Variants in LIPC observed in about 807,000 individuals in gnomAD.
The protein encoded by LIPC is hepatic triacylglycerol lipase.
A neutral mutation model predicts 50.7 loss-of-function variants in LIPC; 44 were observed. That is an observed-to-expected ratio of 0.87 (90% CI 0.68 to 1.11). The LOEUF is 1.11. Ranked by LOEUF, LIPC falls within the 50% of genes most tolerant of loss-of-function variation. The pLI, the probability that LIPC is intolerant of heterozygous loss-of-function variation, is 0.00. For synonymous variants in LIPC, 271 were observed against 256.4 expected, an observed-to-expected ratio of 1.06 and a Z score of -0.54; for missense variants, 697 against 648.2, an observed-to-expected ratio of 1.08 and a Z score of -0.82.
chr15:58,465,336 T>C (rs553644796), intron 1 of LIPC, among the ~76,000 whole-genome samples: 151 of 152,346 alleles, frequency 9.9e-4, no homozygotes, highest in Non-Finnish European at 1.8e-3. Context: ...AAGCCAACAG[T>C]TTTTACATCT....
At chr15:58,440,030 C>T (rs934657821) in intron 1 of LIPC, among the ~76,000 whole-genome samples, 4 of 152,172 alleles carry the variant, frequency 2.6e-5, no homozygotes, top group Admixed American at 1.3e-4. Flanking sequence ...TCCACTGCTC[C>T]TGGATACTGA....
chr15:58,520,762 G>A (rs112867536), intron 1 of LIPC, among the ~76,000 whole-genome samples: 4,536 of 152,184 alleles, frequency 0.03, 114 homozygotes, highest in Middle Eastern at 0.061. Flanking sequence ...GATTAATGCC[G>A]CTTAATACGA....
At chr15:58,454,734 C>T (rs1269143485) in intron 1 of LIPC, 2 of 152,220 alleles carry the variant, frequency 1.3e-5, no homozygotes, top group Non-Finnish European at 2.9e-5. Context: ...GCCCTTACCA[C>T]GTGCAGCGCT....
intron 1 of LIPC, among the ~76,000 whole-genome samples, chr15:58,456,550 T>G (rs1253221773): frequency 6.6e-6 from 1 of 152,194 alleles, no homozygotes; most frequent in Non-Finnish European, 1.5e-5. Context: ...AGGGAGGTGC[T>G]GGGGGGTGAA....
chr15:58,433,819 G>T (rs755084945), intron 1 of LIPC, among the ~76,000 whole-genome samples: 2 of 152,186 alleles, frequency 1.3e-5, no homozygotes, highest in Non-Finnish European at 2.9e-5. Context: ...TAGCAAGAGG[G>T]TTCCTCAGAA....
At chr15:58,519,798 C>T (rs1298287489) in intron 1 of LIPC, among the ~76,000 whole-genome samples, 8 of 152,184 alleles carry the variant, frequency 5.3e-5, no homozygotes, top group Non-Finnish European at 1.2e-4. Flanking sequence ...GCATCCGTTT[C>T]TTTACATTTT....
chr15:58,470,225 C>T (rs184311230), intron 1 of LIPC, among the ~76,000 whole-genome samples: 4 of 152,260 alleles, frequency 2.6e-5, no homozygotes, highest in Non-Finnish European at 4.4e-5. Context: ...AGTCACCGCA[C>T]CCAGCTGGAA....
chr15:58,534,619 T>C (rs1893056161), intron 1 of LIPC, among the ~76,000 whole-genome samples: 1 of 152,182 alleles, frequency 6.6e-6, no homozygotes, highest in Non-Finnish European at 1.5e-5. Context: ...TAACCTCCTT[T>C]TTCAATAACA....
chr15:58,483,837 T>G (rs1383586004), intron 1 of LIPC, among the ~76,000 whole-genome samples: 2 of 152,210 alleles, frequency 1.3e-5, no homozygotes, highest in African/African-American at 4.8e-5. Flanking sequence ...TTCTAATTTA[T>G]TCTCTGGGAG....
At chr15:58,566,369 T>G (rs374393410) in intron 8 of LIPC, 3 of 985,304 alleles carry the variant, frequency 3.0e-6, no homozygotes, top group East Asian at 2.3e-4. Flanking sequence ...ACATTTTAAC[T>G]TCACTGCTCA....
intron 1 of LIPC, among the ~76,000 whole-genome samples, chr15:58,477,071 T>C (rs1486366573): frequency 6.6e-6 from 1 of 152,140 alleles, no homozygotes; most frequent in Non-Finnish European, 1.5e-5. Flanking sequence ...CCCTACAAAC[T>C]CCTATAGGCG....
intron 1 of LIPC, among the ~76,000 whole-genome samples, chr15:58,442,987 A>G (rs1893557506): frequency 6.6e-6 from 1 of 152,114 alleles, no homozygotes; most frequent in African/African-American, 2.4e-5. Flanking sequence ...ATCTCAGCTC[A>G]CTGCAATCCC....
rs562341085 is a variant in LIPC, at chr15:58,561,522, G to A, written c.1169+541G>A. On this transcript the variant is annotated intron_variant, in intron 7 of 8. Coordinates refer to ENST00000299022, the MANE Select transcript of LIPC (RefSeq NM_000236.3). Reference sequence around the variant, plus strand: ...GCTTCAGAGACAATTGATTGTAAATGTTTCTTATCAGACTTAAAAAGGTGC... The same window carrying A: ...GCTTCAGAGACAATTGATTGTAAATATTTCTTATCAGACTTAAAAAGGTGC... 2.1e-3 allele frequency among the ~76,000 whole-genome samples: 313 copies of A among 152,288 alleles called. 1 individual carries two copies. Among genetic ancestry groups the A allele is most frequent in the African/African-American group, 7.1e-3 (296 of 41,556 alleles).
chr15:58,512,486 A>G (rs1202822375), intron 1 of LIPC, among the ~76,000 whole-genome samples: 1 of 152,220 alleles, frequency 6.6e-6, no homozygotes, highest in African/African-American at 2.4e-5. Context: ...AGATGTGAAA[A>G]ATGGGGATGG....
chr15:58,457,570 T>C (rs1894179359), intron 1 of LIPC, among the ~76,000 whole-genome samples: 2 of 152,228 alleles, frequency 1.3e-5, no homozygotes, highest in Admixed American at 1.3e-4. Context: ...GTAAGACCAC[T>C]TCTGCCCCAC....
At chr15:58,448,872 G>A (rs1417182954) in intron 1 of LIPC, among the ~76,000 whole-genome samples, 2 of 152,224 alleles carry the variant, frequency 1.3e-5, no homozygotes, top group Non-Finnish European at 2.9e-5. Context: ...TGACAGAACA[G>A]AGAGTGGGGG....
intron 1 of LIPC, among the ~76,000 whole-genome samples, chr15:58,488,660 A>G (rs1182747416): frequency 6.6e-6 from 1 of 152,208 alleles, no homozygotes; most frequent in East Asian, 1.9e-4. Flanking sequence ...CATTCAGCAC[A>G]AAGGGCCCAA....
chr15:58,548,870 C>T (rs190052531), intron 6 of LIPC, among the ~76,000 whole-genome samples: 26 of 152,324 alleles, frequency 1.7e-4, no homozygotes, highest in African/African-American at 2.6e-4. Context: ...CAAGGCCACA[C>T]GCAGTTTACC....
intron 1 of LIPC, among the ~76,000 whole-genome samples, chr15:58,534,912 C>A (rs1405601353): frequency 6.6e-6 from 1 of 152,172 alleles, no homozygotes; most frequent in Non-Finnish European, 1.5e-5. Flanking sequence ...AATGTTCTTC[C>A]ATGTCATGCC....
Sources: allele counts gnomAD v4.1 joint callset (sites outside exome capture counted in the v4.1 genomes callset), GRCh38; gene constraint gnomAD v4.1.1; transcripts MANE v1.5; gene names NCBI Gene and HGNC (gene_info 2026-07-23, HGNC 2026-07-21).